Variants in SOD2 observed in about 807,000 individuals in gnomAD.
SOD2 encodes the protein superoxide dismutase 2, also known as superoxide dismutase [Mn], mitochondrial.
Under a neutral mutation model 27.0 loss-of-function variants are expected in SOD2, and 11 were observed. The ratio of observed to expected loss-of-function variants is 0.41; its 90% CI spans 0.26 to 0.67. SOD2 has a LOEUF of 0.67. SOD2 is among the 30% of genes least tolerant of loss of function. The pLI is 0.34. For synonymous variants in SOD2, 105 were observed against 103.0 expected, an observed-to-expected ratio of 1.02 and a Z score of -0.12; for missense variants, 250 against 274.5, an observed-to-expected ratio of 0.91 and a Z score of 0.63.
At chr6:159,727,642 G>A (rs1583055615), upstream of SOD2, 4 of 986,048 alleles carry the variant, frequency 4.1e-6, no homozygotes, top group Non-Finnish European at 4.8e-6. Flanking sequence ...CGGGCGGCAG[G>A]GCAAGCAGCG....
At chr6:159,684,289 A>G (rs946988673) in intron 4 of SOD2, among the ~76,000 whole-genome samples, 9 of 152,016 alleles carry the variant, frequency 5.9e-5, no homozygotes, top group African/African-American at 2.2e-4. Flanking sequence ...ATCTAAGCTG[A>G]TATTAATTCT....
At chr6:159,762,091 A>C in exon 1 of SOD2, 1 of 1,613,116 alleles carries the variant, frequency 6.2e-7, no homozygotes, top group Non-Finnish European at 8.5e-7. Context: ...AAGCAAGATG[A>C]ATGCAGGCTC....
chr6:159,744,449 A>G (rs1583093511), intron 1 of SOD2, among the ~76,000 whole-genome samples: 1 of 152,152 alleles, frequency 6.6e-6, no homozygotes, highest in African/African-American at 2.4e-5. Context: ...TACATATAGA[A>G]GTCTTCTTAT....
In SOD2 at chr6:159,743,456, T is replaced by C. The variant is rs183142687; in HGVS notation, c.-116+1674A>G. Among the ~76,000 whole-genome samples, 581 of 152,332 alleles carry C rather than the reference T, an allele frequency of 3.8e-3. 1 individual carries two copies. The highest frequency in any genetic ancestry group is 0.013 in the African/African-American group (550 of 41,560). ...GGGAGTAGATGAAACTATAAAAACA[T>C]AATTTAGTTAGTAGTCATGGAGCAC... On this transcript the variant is annotated intron_variant, in intron 1 of 3. Transcript: ENST00000537657.
intron 1 of SOD2, chr6:159,755,115 C>T (rs1207579243): frequency 6.2e-7 from 1 of 1,614,054 alleles, no homozygotes; most frequent in African/African-American, 1.3e-5. Context: ...CTGAAGGAGA[C>T]ACGCCAGCAG....
chr6:159,698,571 CAAAAAAAAAAAA>C (rs66652436), intron 1 of SOD2, among the ~76,000 whole-genome samples: 3 of 95,720 alleles, frequency 3.1e-5, no homozygotes, highest in Non-Finnish European at 5.8e-5. Context: ...GACCTTGTCT[CAAAAAAAAAAAA>C]AAAAAAAAAA....
At chr6:159,752,294 A>C (rs527338723) in intron 1 of SOD2, among the ~76,000 whole-genome samples, 2 of 152,220 alleles carry the variant, frequency 1.3e-5, no homozygotes, top group Non-Finnish European at 2.9e-5. Flanking sequence ...TCTTTATCCA[A>C]GTCTCAAAGG....
chr6:159,730,395 G>T (rs1778494456), upstream of SOD2, among the ~76,000 whole-genome samples: 1 of 151,972 alleles, frequency 6.6e-6, no homozygotes, highest in East Asian at 1.9e-4. Flanking sequence ...TTGCCTTTAT[G>T]AATCTAGAAT....
intron 1 of SOD2, among the ~76,000 whole-genome samples, chr6:159,712,158 T>A (rs1161897391): frequency 7.2e-4 from 58 of 80,342 alleles, no homozygotes; most frequent in Non-Finnish European, 1.2e-3. Context: ...TCAGCTGCTC[T>A]GACCACCATA....
At chr6:159,761,983 G>A in exon 1 of SOD2, 1 of 1,321,264 alleles carries the variant, frequency 7.6e-7, no homozygotes, top group Non-Finnish European at 1.1e-6. Flanking sequence ...GAGGGCGAGG[G>A]GCGGGGCTAC....
intron 1 of SOD2, among the ~76,000 whole-genome samples, chr6:159,752,106 C>G (rs1476881456): frequency 6.6e-6 from 1 of 151,392 alleles, no homozygotes; most frequent in African/African-American, 2.4e-5. Flanking sequence ...CCATGCAACA[C>G]TTCAAAGATT....
chr6:159,739,341 T>C (rs1291810350), intron 1 of SOD2, among the ~76,000 whole-genome samples: 1 of 152,226 alleles, frequency 6.6e-6, no homozygotes, highest in Admixed American at 6.5e-5. Context: ...GATGCACTTA[T>C]ATTTATGGAA....
rs1779806638 is a variant in SOD2, at chr6:159,677,587, T to G, written c.*4906A>C. The G allele has an allele frequency of 6.6e-6, 1 of 152,212 alleles. No homozygotes were observed. The highest frequency in any genetic ancestry group is 2.4e-5 in the African/African-American group (1 of 41,452). The allele number at this position is 152,212 out of a possible 1,614,324, so 9.4% of individuals were successfully genotyped here. A position where few individuals can be genotyped will look rare whatever the true frequency, so the allele number is the denominator to read the frequency against. On this transcript the variant is annotated 3_prime_UTR_variant, in exon 5 of 5. Coordinates refer to ENST00000538183, the MANE Select transcript of SOD2 (RefSeq NM_000636.4). The stretch of plus-strand genomic sequence containing the variant: ...GTATGATTACTTTATTTTTCAGAGT[T>G]AAGGCAATAATCTGTGGTTGGTTAA...
chr6:159,742,289 C>A, intron 1 of SOD2: 1 of 617,234 alleles, frequency 1.6e-6, no homozygotes, highest in Non-Finnish European at 2.7e-6. Context: ...GTGTTGGGTG[C>A]AAGAAAATAT....
chr6:159,753,371 G>A (rs576039582), intron 1 of SOD2: 34 of 1,550,718 alleles, frequency 2.2e-5, no homozygotes, highest in Non-Finnish European at 2.7e-5. Flanking sequence ...AGTTATGTTT[G>A]TATGTGTTAC....
chr6:159,748,228 G>C (rs755677301), upstream of SOD2: 15 of 1,613,896 alleles, frequency 9.3e-6, no homozygotes, highest in East Asian at 3.3e-4. This position sits in a 1 kb window ranked among gnomAD's most constrained non-coding sequence, Gnocchi z 5.6. Context: ...CAGCAGCCGA[G>C]CGTTGCCCAA....
chr6:159,716,222 A>C (rs957156632), intron 1 of SOD2, among the ~76,000 whole-genome samples: 1 of 152,210 alleles, frequency 6.6e-6, no homozygotes, highest in African/African-American at 2.4e-5. Flanking sequence ...AGTGGTTTTA[A>C]ATATAAGGAC....
At position 159,673,379 on chromosome 6, in the gene SOD2, C is replaced by G. The variant is rs1779709696; in HGVS notation, c.*9114G>C. ...GCACTCCTCAGCAAATGTAAAAGAA[C>G]AGAAATTATAACATACTGTCTCAGA... On this transcript the variant is annotated 3_prime_UTR_variant, in exon 5 of 5. Transcript: ENST00000538183. 1 of 152,130 alleles carries G rather than the reference C, an allele frequency of 6.6e-6. No homozygotes were observed. The highest frequency in any genetic ancestry group is 6.6e-5 in the Admixed American group (1 of 15,246). The allele number at this position is 152,130 out of a possible 1,614,324, so 9.4% of individuals were successfully genotyped here. A position where few individuals can be genotyped will look rare whatever the true frequency, so the allele number is the denominator to read the frequency against.
At chr6:159,713,770 C>T in intron 1 of SOD2, 1 of 956,592 alleles carries the variant, frequency 1.0e-6, no homozygotes, top group Non-Finnish European at 1.7e-6. Flanking sequence ...CCCATGGTTT[C>T]TCTGTCTTTA....
Sources: allele counts gnomAD v4.1 joint callset (sites outside exome capture counted in the v4.1 genomes callset), GRCh38; gene constraint gnomAD v4.1.1; non-coding constraint Gnocchi (gnomAD v3.1); transcripts MANE v1.5; gene names NCBI Gene and HGNC (gene_info 2026-07-23, HGNC 2026-07-21).